The following SNX29 variants were observed in gnomAD, a reference collection of about 807,000 sequenced individuals.
SNX29 encodes sorting nexin 29, also known as sorting nexin-29.
SNX29 carries 78 observed loss-of-function variants against 102.1 expected under a neutral mutation model. The ratio of observed to expected loss-of-function variants is 0.76; its 90% CI spans 0.64 to 0.92. SNX29 has a LOEUF of 0.92. Ranked by LOEUF, SNX29 falls within the 40% of genes least tolerant of loss-of-function variation. The pLI is 0.00. For synonymous variants in SNX29, 580 were observed against 414.5 expected (o/e 1.40, Z -4.85); for missense variants, 1,280 against 1,061.7 (o/e 1.21, Z -2.86).
At chr16:12,295,744 T>A (rs576709010) in intron 15 of SNX29, among the ~76,000 whole-genome samples, 3 of 152,240 alleles carry the variant, frequency 2.0e-5, no homozygotes, top group Non-Finnish European at 4.4e-5. Context: ...GACTATTTCT[T>A]TAGCAAAGGA....
At position 12,481,513 on chromosome 16, in the gene SNX29, GACACACACAC is replaced by G. The variant is rs59650769; in HGVS notation, c.2178+3687_2178+3696del. Among the ~76,000 whole-genome samples, 766 of 125,658 alleles carry G rather than the reference GACACACACAC, an allele frequency of 6.1e-3. 6 individuals are homozygous for G. Among genetic ancestry groups the G allele is most frequent in the Non-Finnish European group, 7.1e-3 (417 of 58,510 alleles). 82.4% of individuals were successfully genotyped at this position (125,658 alleles called of 152,430 possible). A position where few individuals can be genotyped will look rare whatever the true frequency, so the allele number is the denominator to read the frequency against. On this transcript the variant is annotated intron_variant, in intron 19 of 20. Transcript: ENST00000566228. ...ATACACATATGTACATATACATATAGACACACACACACACACACACACACACACACACACA... is the reference window on the plus strand; with the variant it reads ...ATACACATATGTACATATACATATAGACACACACACACACACACACACACA...
At chr16:12,065,544 C>G (rs188032138) in intron 9 of SNX29, among the ~76,000 whole-genome samples, 1 of 152,200 alleles carries the variant, frequency 6.6e-6, no homozygotes, top group Non-Finnish European at 1.5e-5. Context: ...AGTTCTATTT[C>G]TCCTTGTCCT....
chr16:12,194,702 G>T (rs977433669), intron 13 of SNX29, among the ~76,000 whole-genome samples: 1 of 147,880 alleles, frequency 6.8e-6, no homozygotes, highest in Admixed American at 6.8e-5. Context: ...TCTTGGCTCA[G>T]TGCAACCTCC....
intron 20 of SNX29, among the ~76,000 whole-genome samples, chr16:12,541,533 G>A (rs980022031): frequency 6.6e-6 from 1 of 152,052 alleles, no homozygotes; most frequent in Non-Finnish European, 1.5e-5. Flanking sequence ...TCAGCATGTA[G>A]TTGTTCATCA....
At chr16:12,362,268 G>A (rs1268953139) in intron 16 of SNX29, among the ~76,000 whole-genome samples, 1 of 152,174 alleles carries the variant, frequency 6.6e-6, no homozygotes, top group East Asian at 1.9e-4. Context: ...CCTCAGTGTA[G>A]ATGAAATCCT....
chr16:12,567,070 C>G (rs770394910), intron 20 of SNX29, among the ~76,000 whole-genome samples: 1 of 152,212 alleles, frequency 6.6e-6, no homozygotes, highest in Non-Finnish European at 1.5e-5. Flanking sequence ...TTCAGGGAAC[C>G]CTGCAGGGAT....
At chr16:12,414,567 C>G (rs2084545932) in intron 18 of SNX29, among the ~76,000 whole-genome samples, 1 of 152,176 alleles carries the variant, frequency 6.6e-6, no homozygotes, top group Non-Finnish European at 1.5e-5. Flanking sequence ...CGGTCTCTTT[C>G]CTTTTCCAAG....
At chr16:12,001,310 A>G (rs2056278449) in intron 2 of SNX29, among the ~76,000 whole-genome samples, 1 of 152,038 alleles carries the variant, frequency 6.6e-6, no homozygotes, top group Admixed American at 6.6e-5. Flanking sequence ...GTGGGGTTTC[A>G]CCATGTTGGC....
intron 3 of SNX29, among the ~76,000 whole-genome samples, chr16:12,004,894 A>T (rs1409567180): frequency 6.6e-6 from 1 of 152,180 alleles, no homozygotes; most frequent in African/African-American, 2.4e-5. Context: ...TTTGCCTATT[A>T]CCTGTCACTA....
intron 15 of SNX29, among the ~76,000 whole-genome samples, chr16:12,281,841 C>T (rs922046201): frequency 5.3e-5 from 8 of 151,918 alleles, no homozygotes; most frequent in African/African-American, 1.5e-4. Context: ...GAGAACGAGG[C>T]GGGTGGATCA....
intron 19 of SNX29, chr16:12,515,515 C>A (rs945194507): frequency 2.0e-5 from 10 of 489,344 alleles, no homozygotes; most frequent in Non-Finnish European, 4.1e-5. Flanking sequence ...CCAGCCGCCA[C>A]CATCTCCTGC....
intron 14 of SNX29, among the ~76,000 whole-genome samples, chr16:12,256,843 GTC>G (rs1164102853): frequency 6.6e-6 from 1 of 152,178 alleles, no homozygotes; most frequent in Non-Finnish European, 1.5e-5. Context: ...ACAACCATTG[GTC>G]TACTGGCCTC....
At position 12,170,797 on chromosome 16, in the gene SNX29, G is replaced by A. The variant is rs890582280; in HGVS notation, c.1596-28804G>A. ...AGTGTGTGTGTGAGAGTGAGAGCAC[G>A]TGTGTGTGTATGGGGTGTGTGACTA... On this transcript the variant is annotated intron_variant, in intron 13 of 20. Coordinates refer to ENST00000566228, the MANE Select transcript of SNX29 (RefSeq NM_032167.5). Among the ~76,000 whole-genome samples, 12 of 151,530 alleles carry A rather than the reference G, an allele frequency of 7.9e-5. No individual in the cohort carries two copies. The South Asian group carries it at 1.9e-3, about 24-fold the overall frequency.
rs572642690 is a variant in SNX29, at chr16:12,557,938, A to G, written c.2319-10568A>G. 3.3e-5 allele frequency among the ~76,000 whole-genome samples: 5 copies of G among 152,184 alleles called. No individual in the cohort carries two copies. In the South Asian group the frequency reaches 1.0e-3, roughly 32 times the overall value. On this transcript the variant is annotated intron_variant, in intron 20 of 20. Coordinates refer to ENST00000566228, the MANE Select transcript of SNX29 (RefSeq NM_032167.5). Reference sequence around the variant, plus strand: ...TCAGGGCAGGCAGGCTGCTATTTTCATTCACCGCTTGCCCTGTCTTCCTGT... The same window carrying G: ...TCAGGGCAGGCAGGCTGCTATTTTCGTTCACCGCTTGCCCTGTCTTCCTGT...
chr16:12,178,865 T>G (rs1040324106), intron 13 of SNX29, among the ~76,000 whole-genome samples: 1 of 152,238 alleles, frequency 6.6e-6, no homozygotes, highest in African/African-American at 2.4e-5. Flanking sequence ...CTGATCGTAA[T>G]AGTGTATTAT....
intron 20 of SNX29, among the ~76,000 whole-genome samples, chr16:12,548,154 A>T (rs1204323038): frequency 3.3e-5 from 5 of 152,128 alleles, no homozygotes; most frequent in African/African-American, 1.2e-4. Flanking sequence ...TTCATTCTTC[A>T]TCTTGGCCAC....
At chr16:12,401,584 G>A (rs1352668088) in intron 17 of SNX29, among the ~76,000 whole-genome samples, 1 of 151,798 alleles carries the variant, frequency 6.6e-6, no homozygotes, top group Non-Finnish European at 1.5e-5. Flanking sequence ...GGCTGGTCTC[G>A]AACTCCTGAC....
At chr16:12,555,375 C>T (rs148717204) in intron 20 of SNX29, among the ~76,000 whole-genome samples, 2,315 of 152,194 alleles carry the variant, frequency 0.015, 55 homozygotes, top group African/African-American at 0.052. Context: ...ATGAGGCGCT[C>T]CCTGTCTTTC....
intron 11 of SNX29, among the ~76,000 whole-genome samples, chr16:12,115,336 C>T (rs2053651361): frequency 6.6e-6 from 1 of 152,122 alleles, no homozygotes; most frequent in Admixed American, 6.5e-5. Flanking sequence ...TTTATAGACT[C>T]ATGCAGCTTT....
Sources: allele counts gnomAD v4.1 joint callset (sites outside exome capture counted in the v4.1 genomes callset), GRCh38; gene constraint gnomAD v4.1.1; transcripts MANE v1.5; gene names NCBI Gene and HGNC (gene_info 2026-07-23, HGNC 2026-07-21).